Variants in FRRS1L observed in about 807,000 individuals in gnomAD.
FRRS1L encodes ferric chelate reductase 1 like.
In FRRS1L, 22 loss-of-function variants were observed where a neutral mutation model predicts 28.6. That is an observed-to-expected ratio of 0.77 (90% CI 0.55 to 1.10). FRRS1L has a LOEUF of 1.10. Among genes scored for constraint, FRRS1L ranks in the 50% least tolerant of loss-of-function variants. The pLI is 0.00. For missense variants in FRRS1L, 380 were observed against 386.9 expected (o/e 0.98, Z 0.15); for synonymous variants, 158 against 151.4 (o/e 1.04, Z -0.32).
intron 1 of FRRS1L, among the ~76,000 whole-genome samples, chr9:109,157,721 C>T (rs1413212482): frequency 6.6e-6 from 1 of 152,154 alleles, no homozygotes; most frequent in Non-Finnish European, 1.5e-5. Flanking sequence ...TTATATTTTG[C>T]TGTACACCAT....
chr9:109,142,238 C>T (rs1017055866), intron 3 of FRRS1L, among the ~76,000 whole-genome samples: 2 of 152,116 alleles, frequency 1.3e-5, no homozygotes, highest in Non-Finnish European at 2.9e-5. Context: ...ATGATATTTG[C>T]TATTTAAATG....
chr9:109,163,794 G>C (rs1300165540), intron 1 of FRRS1L, among the ~76,000 whole-genome samples: 4 of 152,202 alleles, frequency 2.6e-5, no homozygotes, highest in African/African-American at 9.6e-5. Flanking sequence ...ACAACCTCAA[G>C]TGTATTGATA....
chr9:109,141,406 C>T lies in FRRS1L; in HGVS notation c.646G>A (p.Glu216Lys), dbSNP rs763242129. The T allele has an allele frequency of 1.9e-6, 3 of 1,614,132 alleles. No homozygotes were observed. Among genetic ancestry groups the T allele is most frequent in the Non-Finnish European group, 2.5e-6 (3 of 1,179,976 alleles). Residue 216 changes from glutamate (E) to lysine (K), a missense_variant, in exon 4 of 5, where the codon GAA (glutamate) becomes AAA (lysine). Coordinates refer to ENST00000561981, the MANE Select transcript of FRRS1L (RefSeq NM_014334.4). ...CTCAAATGCAGATCAACAATTGTTT[C>T]ATCTCTGGGAACATTCACAGGGCGT... The part of the protein sequence containing the change: ...FKRPVNVPRD[E>K]TIVDLHLSWY...
At chr9:109,141,181 A>C (rs1831180807) in intron 4 of FRRS1L, 162 bp downstream of exon 4, 2 of 683,512 alleles carry the variant, frequency 2.9e-6, no homozygotes, top group Admixed American at 2.8e-5. Context: ...CATTATAATA[A>C]GTCCATTATA....
At chr9:109,147,268 T>G in intron 2 of FRRS1L, 79 bp from the exon 3 acceptor site, 2 of 1,179,274 alleles carry the variant, frequency 1.7e-6, no homozygotes, top group Non-Finnish European at 2.5e-6. Context: ...ATGTATCATG[T>G]GGGATGCTAA....
In FRRS1L at chr9:109,141,451, GA is replaced by G; in HGVS notation, c.600del (p.Arg201AlafsTer10). 2 of 1,614,090 alleles carry G rather than the reference GA, an allele frequency of 1.2e-6. No homozygotes were observed. Among genetic ancestry groups the G allele is most frequent in the South Asian group, 2.2e-5 (2 of 91,074 alleles). ...ARDEEGVFEN[N>X]RVTCRFKRPV... is the part of the protein sequence containing the mutation. ...GGGCGTTTAAATCTGCAGGTGACGC[GA>G]TTGTTCTCAAAAACTCCTTCTTCAT... On this transcript the variant is annotated frameshift_variant, in exon 4 of 5. Transcript: ENST00000561981. LOFTEE classifies it high-confidence loss of function.
chr9:109,144,807 T>C (rs557162156), intron 3 of FRRS1L, among the ~76,000 whole-genome samples: 141 of 151,622 alleles, frequency 9.3e-4, no homozygotes, highest in African/African-American at 3.3e-3. Context: ...CCTCAGCCTC[T>C]CGAGTAGCTG....
At position 109,146,169 on chromosome 9, in the gene FRRS1L, C is replaced by G. The variant is rs539974080; in HGVS notation, c.462+882G>C. Among the ~76,000 whole-genome samples, 3 of 152,218 alleles carry G rather than the reference C, an allele frequency of 2.0e-5. No homozygotes were observed. In the East Asian group the frequency reaches 5.8e-4, roughly 29 times the overall value. On this transcript the variant is annotated intron_variant, in intron 3 of 4. Coordinates refer to ENST00000561981, the MANE Select transcript of FRRS1L (RefSeq NM_014334.4). ...CCAAGGTCACACCATTGCACTCCAG[C>G]CTGGGCAACAAGAGCGAAACTCTAT...
At chr9:109,149,143 C>T (rs1343533836) in intron 2 of FRRS1L, among the ~76,000 whole-genome samples, 1 of 152,156 alleles carries the variant, frequency 6.6e-6, no homozygotes, top group Non-Finnish European at 1.5e-5. Flanking sequence ...CCCGTCATGT[C>T]GTGATACTAC....
rs1330215288 is a variant in FRRS1L, at chr9:109,141,046, C to T, written c.709+297G>A. 1.7e-5 allele frequency: 7 copies of T among 403,032 alleles called. No homozygotes were observed. In the Admixed American group the frequency reaches 1.9e-4, roughly 11 times the overall value. The allele number at this position is 403,032 out of a possible 1,614,324, so 25.0% of individuals were successfully genotyped here. On this transcript the variant is annotated intron_variant, in intron 4 of 4. Coordinates refer to ENST00000561981, the MANE Select transcript of FRRS1L (RefSeq NM_014334.4). The stretch of plus-strand genomic sequence containing the variant: ...AAATAAGAATGCTGTGAGAATTGAA[C>T]AGAGCCCTACATACAGCAGATACAT...
chr9:109,143,108 A>C (rs1220129877), intron 3 of FRRS1L, among the ~76,000 whole-genome samples: 1 of 152,126 alleles, frequency 6.6e-6, no homozygotes, highest in Non-Finnish European at 1.5e-5. Flanking sequence ...TGAGGTCAGG[A>C]GTTCAAGACC....
rs1831123876 is a variant in FRRS1L, at chr9:109,137,243, A to C, written c.*212T>G. ...AAAACATATGTGAAAGTGCTTAGAA[A>C]AGGTGTAAGTATGTTCCAAAAGTAT... On this transcript the variant is annotated 3_prime_UTR_variant, in exon 5 of 5. Transcript: ENST00000561981. 3.1e-6 allele frequency: 1 copy of C among 322,496 alleles called. No individual in the cohort carries two copies. The highest frequency in any genetic ancestry group is 5.6e-6 in the Non-Finnish European group (1 of 179,402). The allele number at this position is 322,496 out of a possible 1,614,324, so 20.0% of individuals were successfully genotyped here. A position where few individuals can be genotyped will look rare whatever the true frequency, so the allele number is the denominator to read the frequency against.
In FRRS1L at chr9:109,149,668, C is replaced by T; in HGVS notation, c.291G>A (p.Val97=). The T allele has an allele frequency of 6.2e-7, 1 of 1,613,710 alleles. No homozygotes were observed. The highest frequency in any genetic ancestry group is 8.5e-7 in the Non-Finnish European group (1 of 1,179,636). ...PPVDPFAKIK[V]DDCGKTKGCF... ...ATCCCTTAGTTTTTCCACAGTCGTC[C>T]ACTTTGATTTTGGCAAATGGATCCA... is the stretch of plus-strand genomic sequence containing the variant. Residue 97 remains valine (V), a synonymous_variant, in exon 2 of 5, where the codon GTG becomes GTA. Transcript: ENST00000561981.
intron 1 of FRRS1L, 21 bp downstream of exon 1, chr9:109,166,880 C>T: frequency 8.0e-7 from 1 of 1,250,276 alleles, no homozygotes. Flanking sequence ...CCCGCAACCC[C>T]TCGCCCTCCC....
intron 3 of FRRS1L, among the ~76,000 whole-genome samples, chr9:109,142,820 A>T (rs1046407598): frequency 8.3e-5 from 4 of 48,020 alleles, no homozygotes; most frequent in African/African-American, 2.0e-4. Context: ...AAATAAAAAT[A>T]AAAAAAAAAA....
In FRRS1L at chr9:109,167,240, G is replaced by A. The variant is rs757388680; in HGVS notation, c.-102C>T. ...CCGCCGAGGCCACCAGCACGCGCCC[G>A]CGCAGCCGCGGAGCCTCCCGCACCC... On this transcript the variant is annotated 5_prime_UTR_variant, in exon 1 of 5. Coordinates refer to ENST00000561981, the MANE Select transcript of FRRS1L (RefSeq NM_014334.4). 7.2e-7 allele frequency: 1 copy of A among 1,385,344 alleles called. No individual in the cohort carries two copies. Among genetic ancestry groups the A allele is most frequent in the Non-Finnish European group, 9.4e-7 (1 of 1,065,550 alleles). 85.8% of individuals were successfully genotyped at this position (1,385,344 alleles called of 1,614,324 possible).
chr9:109,154,245 C>A (rs1831375687), intron 1 of FRRS1L, among the ~76,000 whole-genome samples: 1 of 152,232 alleles, frequency 6.6e-6, no homozygotes, highest in African/African-American at 2.4e-5. Flanking sequence ...TTTGCAACTC[C>A]AGCCCCAAGG....
At chr9:109,163,735 AG>A (rs1284254153) in intron 1 of FRRS1L, among the ~76,000 whole-genome samples, 3 of 152,144 alleles carry the variant, frequency 2.0e-5, no homozygotes, top group Non-Finnish European at 4.4e-5. Flanking sequence ...AGACATAAGA[AG>A]GGGGTACCCT....
At chr9:109,141,938 T>A in intron 3 of FRRS1L, among the ~76,000 whole-genome samples, 1 of 147,908 alleles carries the variant, frequency 6.8e-6, no homozygotes, top group Admixed American at 6.7e-5. Context: ...GGAGTCAGTG[T>A]CATAAAAGAC....
Sources: allele counts gnomAD v4.1 joint callset (sites outside exome capture counted in the v4.1 genomes callset), GRCh38; gene constraint gnomAD v4.1.1; transcripts MANE v1.5; gene names NCBI Gene and HGNC (gene_info 2026-07-23, HGNC 2026-07-21).